Variants in IL2RA observed in about 807,000 individuals in gnomAD.
IL2RA encodes interleukin-2 receptor subunit alpha.
IL2RA carries 24 observed loss-of-function variants against 37.8 expected under a neutral mutation model. The observed-to-expected ratio is 0.63, with a 90% confidence interval of 0.46 to 0.89. IL2RA has a LOEUF of 0.89. Ranked by LOEUF, IL2RA falls within the 40% of genes least tolerant of loss-of-function variation. The probability of loss-of-function intolerance (pLI) is 0.00; values close to 1 mark genes in which losing one functional copy is unlikely to be tolerated. For synonymous variants in IL2RA, 125 were observed against 114.6 expected, an observed-to-expected ratio of 1.09 and a Z score of -0.58; for missense variants, 319 against 348.6, an observed-to-expected ratio of 0.92 and a Z score of 0.68.
At chr10:6,024,454 C>A (rs12722576) in intron 2 of IL2RA, 100 bp from the exon 3 acceptor site, 34,602 of 872,890 alleles carry the variant, frequency 0.04, 1,071 homozygotes, top group South Asian at 0.12. Flanking sequence ...CTGTCCAGGG[C>A]CCACGATGTG....
At chr10:6,060,296 C>T (rs41294927) in intron 1 of IL2RA, among the ~76,000 whole-genome samples, 6,742 of 152,164 alleles carry the variant, frequency 0.044, 293 homozygotes, top group Admixed American at 0.14. Context: ...AAAGAGACTA[C>T]GCACTGGGTA....
Position 6,019,987 on chromosome 10 carries a change from C to T in IL2RA, c.584-46G>A, listed in dbSNP as rs1056240592. On this transcript the variant is annotated intron_variant, in intron 4 of 7. Transcript: ENST00000379959. ...TGCTGGTGGAGCTAAACACAGGAGT[C>T]AGGGCCTCACTCCCACCCCGCCTGC... The T allele has an allele frequency of 7.3e-6, 11 of 1,509,990 alleles. No individual in the cohort carries two copies. In the Admixed American group the frequency reaches 1.2e-4, roughly 16 times the overall value. The allele number at this position is 1,509,990 out of a possible 1,614,324, so 93.5% of individuals were successfully genotyped here. A position where few individuals can be genotyped will look rare whatever the true frequency, so the allele number is the denominator to read the frequency against.
chr10:6,021,807 C>A lies in IL2RA; in HGVS notation c.368-114G>T. On this transcript the variant is annotated intron_variant, in intron 3 of 7. Coordinates refer to ENST00000379959, the MANE Select transcript of IL2RA (RefSeq NM_000417.3). The surrounding 1 kb of genome is among the most constrained non-coding windows in gnomAD (Gnocchi z 4.9). ...GTTCTTACTCTCTTGACTGCTTGCT[C>A]ATCCTTTCATTCAACCAATATATGT... The A allele has an allele frequency of 2.5e-6, 2 of 811,344 alleles. No homozygotes were observed. Among genetic ancestry groups the A allele is most frequent in the Non-Finnish European group, 4.2e-6 (2 of 477,454 alleles). The allele number at this position is 811,344 out of a possible 1,614,324, so 50.3% of individuals were successfully genotyped here.
intron 7 of IL2RA, among the ~76,000 whole-genome samples, chr10:6,016,706 G>A (rs550489398): frequency 6.6e-6 from 1 of 152,090 alleles, no homozygotes; most frequent in East Asian, 1.9e-4. Context: ...GCAAGTAGCT[G>A]GGATTACAGG....
chr10:6,025,752 G>A lies in IL2RA; in HGVS notation c.256+82C>T. ...TGGACTGGCCCATTTGTGTCTATAGGGCTGAGTGAACAAAAGCTGGGCTCT... is the reference window on the plus strand; with the variant it reads ...TGGACTGGCCCATTTGTGTCTATAGAGCTGAGTGAACAAAAGCTGGGCTCT... On this transcript the variant is annotated intron_variant, in intron 2 of 7. Coordinates refer to ENST00000379959, the MANE Select transcript of IL2RA (RefSeq NM_000417.3). This position sits in a 1 kb window ranked among gnomAD's most constrained non-coding sequence, Gnocchi z 4.4. 7.5e-7 allele frequency: 1 copy of A among 1,329,092 alleles called. No homozygotes were observed. Among genetic ancestry groups the A allele is most frequent in the Non-Finnish European group, 1.1e-6 (1 of 923,638 alleles). The allele number at this position is 1,329,092 out of a possible 1,614,324, so 82.3% of individuals were successfully genotyped here. A position where few individuals can be genotyped will look rare whatever the true frequency, so the allele number is the denominator to read the frequency against.
chr10:6,024,853 C>T (rs1839455018), intron 2 of IL2RA, among the ~76,000 whole-genome samples: 1 of 152,204 alleles, frequency 6.6e-6, no homozygotes, highest in Non-Finnish European at 1.5e-5. Flanking sequence ...TCTAGAACAG[C>T]CCTCTCTATT....
chr10:6,023,329 C>T (rs1310850590), intron 3 of IL2RA, among the ~76,000 whole-genome samples: 1 of 151,806 alleles, frequency 6.6e-6, no homozygotes, highest in Non-Finnish European at 1.5e-5. Context: ...GGTTTTTTTT[C>T]TTTTTTGTTT....
intron 7 of IL2RA, among the ~76,000 whole-genome samples, chr10:6,016,132 G>A (rs766584830): frequency 5.3e-5 from 8 of 151,996 alleles, no homozygotes; most frequent in Non-Finnish European, 1.0e-4. Flanking sequence ...TCTTGAAGAG[G>A]TGATCAGGTC....
chr10:6,028,980 G>C lies in IL2RA; in HGVS notation c.65-2955C>G, dbSNP rs1427029074. On this transcript the variant is annotated intron_variant, in intron 1 of 7. Transcript: ENST00000379959. The surrounding 1 kb of genome is among the most constrained non-coding windows in gnomAD (Gnocchi z 4.1). ...CCAGCCTGGGTTACAGAGTGAGTGAGAGTCTGTCTCAAAAAAAAAAAAAAA... is the reference window on the plus strand; with the variant it reads ...CCAGCCTGGGTTACAGAGTGAGTGACAGTCTGTCTCAAAAAAAAAAAAAAA... 7.4e-6 allele frequency among the ~76,000 whole-genome samples: 1 copy of C among 134,344 alleles called. No individual in the cohort carries two copies. The highest frequency in any genetic ancestry group is 1.6e-5 in the Non-Finnish European group (1 of 64,334). 88.1% of individuals were successfully genotyped at this position (134,344 alleles called of 152,430 possible).
At chr10:6,043,447 G>A (rs1839803733) in intron 1 of IL2RA, among the ~76,000 whole-genome samples, 1 of 150,604 alleles carries the variant, frequency 6.6e-6, no homozygotes, top group African/African-American at 2.4e-5. Context: ...TGTTTGTTTT[G>A]TTTTTTTTTG....
rs1839687618 is a variant in IL2RA, at chr10:6,036,631, C to T, written c.65-10606G>A. The stretch of plus-strand genomic sequence containing the variant: ...TCTTTCTTCGATTTTGCCACATACC[C>T]GCAGCTGCACTCCCATAATCTGAAA... On this transcript the variant is annotated intron_variant, in intron 1 of 7. Coordinates refer to ENST00000379959, the MANE Select transcript of IL2RA (RefSeq NM_000417.3). The surrounding 1 kb of genome is among the most constrained non-coding windows in gnomAD (Gnocchi z 6.1). Among the ~76,000 whole-genome samples the T allele has an allele frequency of 6.6e-6, 1 of 152,190 alleles. No individual in the cohort carries two copies.
intron 2 of IL2RA, 80 bp from the exon 3 acceptor site, chr10:6,024,434 A>G: frequency 2.8e-6 from 3 of 1,054,978 alleles, no homozygotes; most frequent in Non-Finnish European, 4.4e-6. Context: ...CATTCACTTG[A>G]GAAGCACACC....
chr10:6,032,497 C>G (rs1427736923), intron 1 of IL2RA, among the ~76,000 whole-genome samples: 1 of 151,758 alleles, frequency 6.6e-6, no homozygotes, highest in South Asian at 2.1e-4. Context: ...TGGAGACCAT[C>G]CTGGCTAACA....
chr10:6,042,652 C>T (rs1272588087), intron 1 of IL2RA, among the ~76,000 whole-genome samples: 1 of 152,034 alleles, frequency 6.6e-6, no homozygotes, highest in Non-Finnish European at 1.5e-5. Context: ...ATCCGTAATA[C>T]ATAAGGAAGA....
chr10:6,062,105 A>C lies in IL2RA; in HGVS notation c.47T>G (p.Val16Gly). 1 of 1,614,076 alleles carries C rather than the reference A, an allele frequency of 6.2e-7. No individual in the cohort carries two copies. The highest frequency in any genetic ancestry group is 8.5e-7 in the Non-Finnish European group (1 of 1,179,922). ...GCCCTTACCTGCCTGGCAGCCAGGC[A>C]CCATGATGAACGTGAGCAGTCCCCA... is the stretch of plus-strand genomic sequence containing the variant. ...LMWGLLTFIM[V>G]PGCQAELCDD... The change falls in exon 1 of 8, where the codon GTG becomes GGG. Residue 16 changes from valine to glycine, a missense_variant. Coordinates refer to ENST00000379959, the MANE Select transcript of IL2RA (RefSeq NM_000417.3).
intron 1 of IL2RA, among the ~76,000 whole-genome samples, chr10:6,034,104 T>C (rs1327513827): frequency 1.3e-5 from 2 of 152,192 alleles, no homozygotes; most frequent in Admixed American, 1.3e-4. Flanking sequence ...TTGAATTCCA[T>C]GAGAGTGCGT....
intron 1 of IL2RA, among the ~76,000 whole-genome samples, chr10:6,037,817 C>T (rs532462652): frequency 6.6e-6 from 1 of 152,192 alleles, no homozygotes; most frequent in Non-Finnish European, 1.5e-5. Context: ...CGTTGACTCC[C>T]AGAGGAAATC....
In IL2RA at chr10:6,044,897, T is replaced by C. The variant is rs1839826646; in HGVS notation, c.64+17191A>G. On this transcript the variant is annotated intron_variant, in intron 1 of 7. Transcript: ENST00000379959. This position sits in a 1 kb window ranked among gnomAD's most constrained non-coding sequence, Gnocchi z 4.5. ...AGTGTATTAGCATTAGCACTGGTGC[T>C]GTTACCCATTGATTGGTTCATTCAA... 6.6e-6 allele frequency among the ~76,000 whole-genome samples: 1 copy of C among 152,264 alleles called. No individual in the cohort carries two copies. Among genetic ancestry groups the C allele is most frequent in the South Asian group, 2.1e-4 (1 of 4,834 alleles).
At position 6,012,947 on chromosome 10, in the gene IL2RA, A is replaced by T; in HGVS notation, c.795-51T>A. 1 of 1,589,824 alleles carries T rather than the reference A, an allele frequency of 6.3e-7. No homozygotes were observed. The highest frequency in any genetic ancestry group is 2.2e-5 in the East Asian group (1 of 44,770). The stretch of plus-strand genomic sequence containing the variant: ...TCATATGTGTAACACGGCACCAAAA[A>T]AATGTGGTCCTCACTCTAAACCAGT... On this transcript the variant is annotated intron_variant, in intron 7 of 7. Transcript: ENST00000379959. The surrounding 1 kb of genome is among the most constrained non-coding windows in gnomAD (Gnocchi z 4.8).
Sources: allele counts gnomAD v4.1 joint callset (sites outside exome capture counted in the v4.1 genomes callset), GRCh38; gene constraint gnomAD v4.1.1; non-coding constraint Gnocchi (gnomAD v3.1); transcripts MANE v1.5; gene names NCBI Gene and HGNC (gene_info 2026-07-23, HGNC 2026-07-21).